HDAC9: variants seen among roughly 807,000 people sequenced by gnomAD.
HDAC9 encodes the protein histone deacetylase 9, also known as MEF-2 interacting transcription repressor (MITR) protein.
A neutral mutation model predicts 139.4 loss-of-function variants in HDAC9; 41 were observed. That is an observed-to-expected ratio of 0.29 (90% CI 0.23 to 0.38). The LOEUF (loss-of-function observed/expected upper bound fraction) is 0.38, where lower values mean the gene tolerates loss of function less well. Among genes scored for constraint, HDAC9 ranks in the 10% least tolerant of loss-of-function variants. HDAC9 has a pLI of 1.00. For missense variants in HDAC9, 1,147 were observed against 1,297.0 expected (o/e 0.88, Z 1.78); for synonymous variants, 517 against 476.2 (o/e 1.09, Z -1.12).
intron 1 of HDAC9, among the ~76,000 whole-genome samples, chr7:18,323,788 G>A (rs1327236225): frequency 6.6e-6 from 1 of 152,018 alleles, no homozygotes; most frequent in Non-Finnish European, 1.5e-5. Context: ...TAGTCTGTTT[G>A]GGCTGCTGTA....
At position 18,814,366 on chromosome 7, in the gene HDAC9, TTA is replaced by T. The variant is rs1179479319; in HGVS notation, c.2323-14793_2323-14792del. On this transcript the variant is annotated intron_variant, in intron 17 of 25. Transcript: ENST00000686413. The stretch of plus-strand genomic sequence containing the variant: ...AAATGAAAGATATCTTCCAAGTAAT[TTA>T]TGTTTGTTTTTATCTTTGATAGTAT... Among the ~76,000 whole-genome samples, 5 of 152,258 alleles carry T rather than the reference TTA, an allele frequency of 3.3e-5. No individual in the cohort carries two copies. The East Asian group carries it at 7.7e-4, about 23-fold the overall frequency.
chr7:18,453,995 A>G lies in HDAC9; in HGVS notation c.-41-42267A>G, dbSNP rs114278757. On this transcript the variant is annotated intron_variant, in intron 1 of 3. Coordinates refer to the HDAC9 transcript ENST00000413509. ...AGTACCAAGATATTCTCGGAATTAG[A>G]TTATGCACTGAGAGCCTCATAATCT... 2.3e-3 allele frequency among the ~76,000 whole-genome samples: 355 copies of G among 152,258 alleles called. 2 individuals carry two copies. Among genetic ancestry groups the G allele is most frequent in the Middle Eastern group, 0.01 (3 of 294 alleles).
At chr7:18,956,293 A>G (rs2269924) in intron 24 of HDAC9, among the ~76,000 whole-genome samples, 118,592 of 151,990 alleles carry the variant, frequency 0.78, 46,370 homozygotes, top group African/African-American at 0.83. Flanking sequence ...ATAATTTCTC[A>G]AGACCAATAT....
At chr7:18,174,717 G>T (rs1329817471) in intron 2 of HDAC9, among the ~76,000 whole-genome samples, 2 of 152,146 alleles carry the variant, frequency 1.3e-5, no homozygotes, top group Non-Finnish European at 2.9e-5. Flanking sequence ...ACCCTCAGCT[G>T]CAGGTCTGTT....
At chr7:18,512,599 C>T (rs17139280) in intron 2 of HDAC9, among the ~76,000 whole-genome samples, 2,815 of 152,204 alleles carry the variant, frequency 0.018, 35 homozygotes, top group South Asian at 0.045. Context: ...AAAAAAGATG[C>T]TTGATGAATA....
chr7:18,300,066 G>A (rs1168055770), intron 1 of HDAC9, among the ~76,000 whole-genome samples: 2 of 152,272 alleles, frequency 1.3e-5, no homozygotes, highest in Middle Eastern at 3.4e-3. Context: ...CCTTACAGCA[G>A]CCTCTCTCTA....
chr7:18,281,569 A>G lies in HDAC9; in HGVS notation c.25+119220A>G, dbSNP rs569408426. 6.6e-5 allele frequency among the ~76,000 whole-genome samples: 10 copies of G among 152,312 alleles called. 1 individual carries two copies. The highest frequency in any genetic ancestry group is 2.4e-4 in the African/African-American group (10 of 41,572). ...TTTGACTCCAAAGCTTCAGCGTAGA[A>G]GAGGAATTCTTCTGGCTGAACTATA... On this transcript the variant is annotated intron_variant, in intron 2 of 12. Transcript: ENST00000417496.
At chr7:18,745,822 AGG>A (rs1787907849) in intron 13 of HDAC9, among the ~76,000 whole-genome samples, 1 of 150,514 alleles carries the variant, frequency 6.6e-6, no homozygotes, top group Non-Finnish European at 1.5e-5. Context: ...CTGGGATTAC[AGG>A]CGTGAGCCAC....
intron 21 of HDAC9, among the ~76,000 whole-genome samples, chr7:18,866,740 A>G (rs779241561): frequency 1.2e-4 from 18 of 152,204 alleles, no homozygotes; most frequent in Non-Finnish European, 2.5e-4. Context: ...GAACCAAGCC[A>G]AAGTTCTGGT....
At chr7:18,096,883 TTGTGTGTGTGTGTG>T (rs59590063) in intron 1 of HDAC9, among the ~76,000 whole-genome samples, 5 of 145,330 alleles carry the variant, frequency 3.4e-5, no homozygotes, top group South Asian at 4.5e-4. Flanking sequence ...CTTGTTGGCT[TTGTGTGTGTGTGTG>T]TGTGTGTGTG....
chr7:18,354,372 A>T (rs1012564551), intron 1 of HDAC9, among the ~76,000 whole-genome samples: 1 of 152,174 alleles, frequency 6.6e-6, no homozygotes, highest in Non-Finnish European at 1.5e-5. Flanking sequence ...CCTTGAAAAA[A>T]TTGGTTTCTT....
At chr7:18,909,513 C>T (rs1037705822) in intron 22 of HDAC9, among the ~76,000 whole-genome samples, 3 of 151,904 alleles carry the variant, frequency 2.0e-5, no homozygotes, top group African/African-American at 4.8e-5. Context: ...TTAGTAGTTT[C>T]GTAGTTGTGG....
Position 18,980,785 on chromosome 7 carries a change from TCTTCTTC to T in HDAC9, c.3170+4852_3170+4858del, listed in dbSNP as rs556013660. On this transcript the variant is annotated intron_variant, in intron 25 of 25. Transcript: ENST00000686413. ...TTCTTCTTCTTCTTCTTCCTCTTCT[TCTTCTTC>T]CTTCTTCCTTCTTCCTTCTCCTCCG... Among the ~76,000 whole-genome samples, 496 of 149,898 alleles carry T rather than the reference TCTTCTTC, an allele frequency of 3.3e-3. 5 individuals carry two copies. Among genetic ancestry groups the T allele is most frequent in the Middle Eastern group, 0.014 (4 of 290 alleles).
intron 1 of HDAC9, among the ~76,000 whole-genome samples, chr7:18,357,065 T>A (rs1241683105): frequency 1.3e-5 from 2 of 152,190 alleles, no homozygotes; most frequent in Non-Finnish European, 2.9e-5. Context: ...GCATTTTCCC[T>A]ATGATCATTG....
intron 1 of HDAC9, among the ~76,000 whole-genome samples, chr7:18,306,323 G>A (rs574010698): frequency 2.0e-5 from 3 of 152,250 alleles, no homozygotes; most frequent in Non-Finnish European, 2.9e-5. Context: ...ACATCCAATC[G>A]TTACAGTTAG....
At chr7:18,655,307 A>G (rs993581566) in intron 11 of HDAC9, among the ~76,000 whole-genome samples, 1 of 152,158 alleles carries the variant, frequency 6.6e-6, no homozygotes, top group Non-Finnish European at 1.5e-5. Context: ...ATGTCCAAAA[A>G]CTTTAGCAAG....
chr7:18,491,604 C>G (rs1221218276), upstream of HDAC9, among the ~76,000 whole-genome samples: 1 of 151,956 alleles, frequency 6.6e-6, no homozygotes, highest in African/African-American at 2.4e-5. Flanking sequence ...TTCACAAGCG[C>G]AGATGTACAA....
At chr7:18,265,974 A>G (rs967277200) in intron 2 of HDAC9, among the ~76,000 whole-genome samples, 1 of 152,202 alleles carries the variant, frequency 6.6e-6, no homozygotes, top group African/African-American at 2.4e-5. Context: ...GTTGGTCGCA[A>G]TGTAGAAGCT....
chr7:18,641,612 T>C (rs1441947586), intron 8 of HDAC9, among the ~76,000 whole-genome samples: 1 of 152,132 alleles, frequency 6.6e-6, no homozygotes, highest in African/African-American at 2.4e-5. Context: ...ATTTTCAGAT[T>C]AAAACCGTCA....
Sources: allele counts gnomAD v4.1 joint callset (sites outside exome capture counted in the v4.1 genomes callset), GRCh38; gene constraint gnomAD v4.1.1; transcripts MANE v1.5; gene names NCBI Gene and HGNC (gene_info 2026-07-23, HGNC 2026-07-21).